Variants in ABCA12 observed in about 807,000 individuals in gnomAD.
The protein encoded by ABCA12 is glucosylceramide transporter ABCA12.
ABCA12 carries 156 observed loss-of-function variants against 293.5 expected under a neutral mutation model. The ratio of observed to expected loss-of-function variants is 0.53; its 90% confidence interval spans 0.47 to 0.61. ABCA12 has a LOEUF of 0.61. Among genes scored for constraint, ABCA12 ranks in the 20% least tolerant of loss-of-function variants. The probability of loss-of-function intolerance (pLI) is 0.00; values close to 1 mark genes in which losing one functional copy is unlikely to be tolerated. For missense variants in ABCA12, 2,797 were observed against 3,090.2 expected, an observed-to-expected ratio of 0.91 and a Z score of 2.25; for synonymous variants, 1,063 against 1,108.0, an observed-to-expected ratio of 0.96 and a Z score of 0.81.
intron 45 of ABCA12, 79 bp downstream of exon 45, chr2:214,950,800 T>A (rs1698741612): frequency 2.0e-6 from 3 of 1,491,758 alleles, no homozygotes; most frequent in South Asian, 2.3e-5. Context: ...CCACTGTACC[T>A]GGCCAATAAT....
At position 215,000,946 on chromosome 2, in the gene ABCA12, C is replaced by T. The variant is rs1000068243; in HGVS notation, c.2938G>A (p.Val980Ile). The change falls in exon 22 of 53, where the codon GTC becomes ATC. Residue 980 changes from valine (V) to isoleucine (I), a missense_variant. Around this residue, in one of 3 missense-constraint regions of ABCA12, gnomAD observed 2,130 missense variants for 2,427.0 expected, o/e 0.88. Transcript: ENST00000272895. ...CTCATCCGGATGGTATATTTTATGA[C>T]AGGAGGAAGAAAGACATTTCCAGAG... Reference protein sequence around the residue: ...YDSGNVFLPPVIKYTIRMSLK... With the variant: ...YDSGNVFLPPIIKYTIRMSLK... The T allele has an allele frequency of 3.1e-6, 5 of 1,613,810 alleles. No homozygotes were observed. Among genetic ancestry groups the T allele is most frequent in the Admixed American group, 3.3e-5 (2 of 59,964 alleles).
chr2:214,979,013 A>C lies in ABCA12; in HGVS notation c.4768T>G (p.Cys1590Gly), dbSNP rs1699589140. ...ATTGCTGTCACGGCCATGGTGTCACATACTGCATTTGCATTTAAATTTGGA... is the reference window on the plus strand; with the variant it reads ...ATTGCTGTCACGGCCATGGTGTCACCTACTGCATTTGCATTTAAATTTGGA... ...KSPNLNANAV[C>G]DTMAVTAMIQ... is the part of the protein sequence containing the mutation. The change falls in exon 32 of 53, where the codon TGT becomes GGT. Residue 1590 changes from cysteine to glycine, a missense_variant. By Grantham distance (159) the Cys-to-Gly change is radical. Coordinates refer to ENST00000272895, the MANE Select transcript of ABCA12 (RefSeq NM_173076.3). 1.9e-6 allele frequency: 3 copies of C among 1,614,130 alleles called. No individual in the cohort carries two copies. Among genetic ancestry groups the C allele is most frequent in the Non-Finnish European group, 2.5e-6 (3 of 1,179,972 alleles).
intron 29 of ABCA12, among the ~76,000 whole-genome samples, chr2:214,983,164 G>C (rs1460118450): frequency 1.3e-5 from 2 of 152,152 alleles, no homozygotes; most frequent in African/African-American, 4.8e-5. Flanking sequence ...GAAATCAGAA[G>C]TGAGAATGGA....
chr2:215,062,524 T>C (rs1701550279), intron 3 of ABCA12, among the ~76,000 whole-genome samples: 1 of 152,038 alleles, frequency 6.6e-6, no homozygotes, highest in Admixed American at 6.6e-5. Flanking sequence ...CCTTACCTTT[T>C]CTTTCATGAT....
At position 214,975,775 on chromosome 2, in the gene ABCA12, A is replaced by G. The variant is rs2105958262; in HGVS notation, c.5381+10T>C. 6.2e-7 allele frequency: 1 copy of G among 1,613,958 alleles called. No homozygotes were observed. The highest frequency in any genetic ancestry group is 8.5e-7 in the Non-Finnish European group (1 of 1,179,852). On this transcript the variant is annotated intron_variant, in intron 34 of 52. Transcript: ENST00000272895. ...GGAAACATTCTTTTAGTTAACAGAA[A>G]GAAACTTACGCATAGAAGGCTGTCT...
chr2:215,132,822 A>G (rs1222695623), intron 1 of ABCA12, among the ~76,000 whole-genome samples: 1 of 152,070 alleles, frequency 6.6e-6, no homozygotes, highest in Non-Finnish European at 1.5e-5. Context: ...CAGTTGCTTT[A>G]CAAGATCTGT....
At chr2:215,118,266 G>A (rs1026412888) in intron 1 of ABCA12, among the ~76,000 whole-genome samples, 4 of 152,068 alleles carry the variant, frequency 2.6e-5, no homozygotes, top group Non-Finnish European at 5.9e-5. Flanking sequence ...GCCGAGCATG[G>A]TGGCACACGC....
intron 47 of ABCA12, among the ~76,000 whole-genome samples, chr2:214,948,119 A>G (rs777481683): frequency 6.6e-6 from 1 of 152,228 alleles, no homozygotes; most frequent in African/African-American, 2.4e-5. Context: ...AAAGTAGAAG[A>G]AACTGCCCTA....
intron 11 of ABCA12, 105 bp downstream of exon 11, chr2:215,025,568 G>A: frequency 2.6e-6 from 2 of 754,862 alleles, no homozygotes; most frequent in South Asian, 1.6e-5. Flanking sequence ...ACTTAAAAGT[G>A]TATCTTGCCA....
intron 39 of ABCA12, among the ~76,000 whole-genome samples, chr2:214,965,584 A>G (rs1246511907): frequency 2.0e-5 from 3 of 152,172 alleles, no homozygotes; most frequent in African/African-American, 7.2e-5. Context: ...ATGAACAGAC[A>G]CTTCTAAAAA....
At chr2:214,969,621 G>A (rs956991151) in intron 37 of ABCA12, among the ~76,000 whole-genome samples, 1 of 152,006 alleles carries the variant, frequency 6.6e-6, no homozygotes, top group Non-Finnish European at 1.5e-5. Context: ...CAAACTTCTG[G>A]AAGGATATAC....
intron 9 of ABCA12, chr2:215,028,919 T>C (rs1482296379): frequency 6.6e-6 from 1 of 152,188 alleles, no homozygotes; most frequent in Non-Finnish European, 1.5e-5. Context: ...TTCAGAATGT[T>C]GAGGGTAGTG....
chr2:214,983,946 G>GA, intron 28 of ABCA12, 81 bp from the exon 29 acceptor site: 1 of 1,254,530 alleles, frequency 8.0e-7, no homozygotes, highest in Non-Finnish European at 1.1e-6. Context: ...TCAGTTGTTA[G>GA]AAGGAAAAAA....
Position 215,001,601 on chromosome 2 carries a change from C to A in ABCA12, c.2820G>T (p.Glu940Asp), listed in dbSNP as rs767996079. Residue 940 changes from glutamate to aspartate, a missense_variant, in exon 21 of 53, where the codon GAG (glutamate) becomes GAT (aspartate). Transcript: ENST00000272895. ...TTTTGTAGAGCCTTTTAGCCTCTCT[C>A]TCCATTTCATCTATGGTTTTTGCTG... ...IQAAKTIDEM[E>D]REAKRLYKSN... 1 of 1,613,800 alleles carries A rather than the reference C, an allele frequency of 6.2e-7. No individual in the cohort carries two copies. The highest frequency in any genetic ancestry group is 8.5e-7 in the Non-Finnish European group (1 of 1,179,808).
intron 1 of ABCA12, among the ~76,000 whole-genome samples, chr2:215,126,599 T>A (rs901069553): frequency 1.3e-5 from 2 of 152,194 alleles, no homozygotes; most frequent in African/African-American, 4.8e-5. Context: ...AAGGTGTTCA[T>A]AGTAGCCTTG....
At chr2:215,050,953 T>C (rs1019070562) in intron 5 of ABCA12, 2 of 353,416 alleles carry the variant, frequency 5.7e-6, no homozygotes, top group Non-Finnish European at 7.9e-6. Context: ...TATCCATACA[T>C]AGAAATTTCA....
intron 34 of ABCA12, 25 bp downstream of exon 34, chr2:214,975,760 T>G (rs112834827): frequency 6.2e-7 from 1 of 1,613,856 alleles, no homozygotes; most frequent in Admixed American, 1.7e-5. Context: ...GGAAACATTC[T>G]TTTAGTTAAC....
At chr2:214,986,011 C>T (rs2105970910) in intron 28 of ABCA12, among the ~76,000 whole-genome samples, 1 of 152,242 alleles carries the variant, frequency 6.6e-6, no homozygotes, top group Admixed American at 6.5e-5. Flanking sequence ...CTGGTGGTTC[C>T]TTTGTTTCTT....
chr2:214,948,018 C>T (rs1698635905), intron 47 of ABCA12: 1 of 193,488 alleles, frequency 5.2e-6, no homozygotes, highest in African/African-American at 2.4e-5. Flanking sequence ...CATTAGGAAT[C>T]ATGGGTTCTT....
Sources: allele counts gnomAD v4.1 joint callset (sites outside exome capture counted in the v4.1 genomes callset), GRCh38; gene constraint gnomAD v4.1.1; regional missense constraint gnomAD v4.1.1; transcripts MANE v1.5; gene names NCBI Gene and HGNC (gene_info 2026-07-23, HGNC 2026-07-21).